The following TRPM1 variants were observed in gnomAD, a reference collection of about 807,000 sequenced individuals.
The protein encoded by TRPM1 is TRPM1-203 APA Isoform, Intron 10.
A neutral mutation model predicts 149.4 loss-of-function variants in TRPM1; 113 were observed. That is an observed-to-expected ratio of 0.76 (90% confidence interval 0.65 to 0.88). The LOEUF is 0.88. Among genes scored for constraint, TRPM1 ranks in the 40% least tolerant of loss-of-function variants. The pLI, the probability that TRPM1 is intolerant of heterozygous loss-of-function variation, is 0.00. For synonymous variants in TRPM1, 741 were observed against 759.5 expected, an observed-to-expected ratio of 0.98 and a Z score of 0.40; for missense variants, 1,976 against 2,038.7, an observed-to-expected ratio of 0.97 and a Z score of 0.59.
In TRPM1 at chr15:31,046,252, A is replaced by G. The variant is rs2033758614; in HGVS notation, c.1765-19T>C. On this transcript the variant is annotated intron_variant, in intron 15 of 27. Transcript: ENST00000256552. The stretch of plus-strand genomic sequence containing the variant: ...CTTTAGGCTGCATGGTGAAAGAGGA[A>G]GAAAAAAAATCAATTTACTTAGATA... The G allele has an allele frequency of 6.2e-7, 1 of 1,610,030 alleles. No homozygotes were observed. Among genetic ancestry groups the G allele is most frequent in the Non-Finnish European group, 8.5e-7 (1 of 1,179,284 alleles).
chr15:31,032,998 A>G (rs2033165608), intron 21 of TRPM1, 58 bp from the exon 22 acceptor site: 11 of 1,609,128 alleles, frequency 6.8e-6, no homozygotes, highest in Non-Finnish European at 9.3e-6. Context: ...GTCTTGTCTT[A>G]GAATCTTGGA....
At position 31,071,958 on chromosome 15, in the gene TRPM1, C is replaced by T. The variant is rs575408747; in HGVS notation, c.84-1732G>A. 3.2e-4 allele frequency among the ~76,000 whole-genome samples: 24 copies of T among 74,170 alleles called. 1 individual carries two copies. The highest frequency in any genetic ancestry group is 5.7e-4 in the Admixed American group (3 of 5,298). 48.7% of individuals were successfully genotyped at this position (74,170 alleles called of 152,430 possible). A position where few individuals can be genotyped will look rare whatever the true frequency, so the allele number is the denominator to read the frequency against. On this transcript the variant is annotated intron_variant, in intron 3 of 27. Coordinates refer to ENST00000256552, the MANE Select transcript of TRPM1 (RefSeq NM_001252024.2). ...CAGCGTGGTTGACAGAGTGAGACTC[C>T]GTCTCAAAAAAAAAAAAAAAACATA... is the stretch of plus-strand genomic sequence containing the variant.
At chr15:31,012,773 G>C (rs1157613383) in intron 27 of TRPM1, among the ~76,000 whole-genome samples, 1 of 151,976 alleles carries the variant, frequency 6.6e-6, no homozygotes, top group Non-Finnish European at 1.5e-5. Flanking sequence ...GTGTTCTACA[G>C]GTTTCAGACT....
chr15:31,061,605 G>C, intron 9 of TRPM1, 91 bp from the exon 10 acceptor site: 1 of 1,024,898 alleles, frequency 9.8e-7, no homozygotes, highest in Non-Finnish European at 1.5e-6. Context: ...AGACTGACAC[G>C]TAATAAAATG....
chr15:31,105,590 T>A (rs2035596184), upstream of TRPM1, among the ~76,000 whole-genome samples: 2 of 152,256 alleles, frequency 1.3e-5, no homozygotes, highest in African/African-American at 4.8e-5. Flanking sequence ...CTCTTTTTGC[T>A]TATGCTAAAA....
chr15:31,130,097 G>A (rs1203137601), intron 1 of TRPM1, among the ~76,000 whole-genome samples: 2 of 152,202 alleles, frequency 1.3e-5, no homozygotes, highest in Admixed American at 6.5e-5. Context: ...CCTGGGTGGT[G>A]TGGCTCCCCT....
intron 27 of TRPM1, among the ~76,000 whole-genome samples, chr15:31,021,172 C>T (rs1264875652): frequency 6.6e-6 from 1 of 152,162 alleles, no homozygotes; most frequent in Non-Finnish European, 1.5e-5. Flanking sequence ...GGATCATCCC[C>T]AAATGTCTTC....
intron 1 of TRPM1, among the ~76,000 whole-genome samples, chr15:31,149,732 G>A (rs1235833804): frequency 7.9e-5 from 12 of 152,158 alleles, no homozygotes; most frequent in East Asian, 7.7e-4. Context: ...TGTTAGCCAG[G>A]ATGGTCTCGA....
chr15:31,065,973 G>T (rs2034362811), intron 7 of TRPM1, 103 bp downstream of exon 7: 15 of 1,405,300 alleles, frequency 1.1e-5, no homozygotes, highest in African/African-American at 1.4e-5. Flanking sequence ...CAAGAAGCAA[G>T]GTTAATCTTC....
chr15:31,047,001 GGGGACA>G (rs2033784152), intron 15 of TRPM1, 104 bp downstream of exon 15: 2 of 1,459,352 alleles, frequency 1.4e-6, no homozygotes, highest in Non-Finnish European at 1.9e-6. Context: ...CAGCTGTGCT[GGGGACA>G]GGGCGAAGGG....
rs1259686289 is a variant in TRPM1 at position 31,032,878 on chromosome 15, C to G, written c.2763G>C (p.Trp921Cys). 8.7e-6 allele frequency: 14 copies of G among 1,614,204 alleles called. No homozygotes were observed. The highest frequency in any genetic ancestry group is 1.2e-5 in the Non-Finnish European group (14 of 1,180,038). Residue 921 changes from tryptophan (W) to cysteine (C), a missense_variant, in exon 22 of 28, where the codon TGG becomes TGC. Physicochemically the swap from Trp to Cys is radical, Grantham distance 215. Around this residue, in one of 3 missense-constraint regions of TRPM1, gnomAD observed 1,332 missense variants for 1,347.1 expected, o/e 0.99. Coordinates refer to ENST00000256552, the MANE Select transcript of TRPM1 (RefSeq NM_001252024.2). ...AAATGGCCACGAGATCTGTGATGTT[C>G]CAGTACTCCTGAAGCCAAACTTTGA... ...QKIKVWLQEY[W>C]NITDLVAIST...
rs560293182 is a variant in TRPM1 at position 31,088,449 on chromosome 15, T to C, written c.-83-7011A>G. Reference sequence around the variant, plus strand: ...CCTTTAAGAGCTGTAACACTGACTGTACGGTATGTGGCTTCACTCCTGAAG... The same window carrying C: ...CCTTTAAGAGCTGTAACACTGACTGCACGGTATGTGGCTTCACTCCTGAAG... On this transcript the variant is annotated intron_variant, in intron 1 of 27. Coordinates refer to ENST00000256552, the MANE Select transcript of TRPM1 (RefSeq NM_001252024.2). Among the ~76,000 whole-genome samples, 23 of 152,310 alleles carry C rather than the reference T, an allele frequency of 1.5e-4. No homozygotes were observed. In the South Asian group the frequency reaches 3.5e-3, roughly 23 times the overall value.
intron 27 of TRPM1, among the ~76,000 whole-genome samples, chr15:31,016,651 T>C (rs1413489737): frequency 6.6e-6 from 1 of 152,198 alleles, no homozygotes; most frequent in Non-Finnish European, 1.5e-5. Flanking sequence ...TCCATCCTTT[T>C]GTATCAAAGG....
intron 1 of TRPM1, among the ~76,000 whole-genome samples, chr15:31,107,130 G>C (rs901243095): frequency 3.3e-5 from 5 of 152,192 alleles, no homozygotes; most frequent in African/African-American, 9.7e-5. Context: ...TGAAAGATTG[G>C]TCTTCATTCT....
chr15:31,139,010 C>T (rs1446451083), intron 1 of TRPM1, among the ~76,000 whole-genome samples: 2 of 151,912 alleles, frequency 1.3e-5, no homozygotes, highest in Admixed American at 6.6e-5. Flanking sequence ...CCTTTTTTGT[C>T]TTGGCAAATA....
chr15:31,014,828 C>G (rs1036877083), intron 27 of TRPM1, among the ~76,000 whole-genome samples: 1 of 152,184 alleles, frequency 6.6e-6, no homozygotes, highest in Admixed American at 6.5e-5. Flanking sequence ...CTCTCACTAT[C>G]TCCCTGATAT....
chr15:31,088,831 AC>A (rs2035105282), intron 1 of TRPM1, among the ~76,000 whole-genome samples: 2 of 150,458 alleles, frequency 1.3e-5, no homozygotes, highest in South Asian at 4.2e-4. Flanking sequence ...AGGCCTTTGT[AC>A]CGGGGCGATG....
chr15:31,112,974 T>C (rs962203572), intron 1 of TRPM1, among the ~76,000 whole-genome samples: 2 of 152,276 alleles, frequency 1.3e-5, no homozygotes, highest in South Asian at 2.1e-4. Context: ...TGGGAAAAAC[T>C]CGATTAACAC....
rs934150375 is a variant in TRPM1, at chr15:31,027,026, G to A, written c.3385C>T (p.Leu1129=). The change falls in exon 26 of 28, where the codon CTG becomes TTG. Residue 1129 remains leucine, a synonymous_variant. Transcript: ENST00000256552. ...CTTAAAATGATCATCGGTGGGGGCA[G>A]GACTGGCCTGTCATGAAATGTCATA... The part of the protein sequence containing the change: ...LIMTFHDRPV[L]PPPMIILSHI... The A allele has an allele frequency of 1.1e-5, 18 of 1,614,104 alleles. No individual in the cohort carries two copies. The highest frequency in any genetic ancestry group is 1.4e-5 in the Non-Finnish European group (16 of 1,180,062).
Sources: gnomAD v4.1 joint callset for allele counts (sites outside exome capture counted in the v4.1 genomes callset) on GRCh38, gnomAD v4.1.1 for gene constraint, gnomAD v4.1.1 regional missense constraint, MANE v1.5 for transcripts, NCBI Gene and HGNC (gene_info 2026-07-23, HGNC 2026-07-21) for gene names.